The following GBE1 variants were observed in gnomAD, a reference collection of about 807,000 sequenced individuals.
The protein encoded by GBE1 is 1,4-alpha-glucan branching enzyme 1.
A neutral mutation model predicts 88.8 loss-of-function variants in GBE1; 70 were observed. The observed-to-expected ratio is 0.79, with a 90% CI of 0.65 to 0.96. The LOEUF (loss-of-function observed/expected upper bound fraction) is 0.96, where lower values mean the gene tolerates loss of function less well. Ranked by LOEUF, GBE1 falls within the 40% of genes least tolerant of loss-of-function variation. The pLI, the probability that GBE1 is intolerant of heterozygous loss-of-function variation, is 0.00. For missense variants in GBE1, 872 were observed against 871.0 expected (o/e 1.00, Z -0.01); for synonymous variants, 284 against 300.1 (o/e 0.95, Z 0.56).
chr3:81,597,443 A>C (rs1703971615), intron 7 of GBE1, among the ~76,000 whole-genome samples: 1 of 145,724 alleles, frequency 6.9e-6, no homozygotes, highest in African/African-American at 2.5e-5. Context: ...ATATATCTCA[A>C]AAATATATAT....
chr3:81,637,273 T>C (rs371125477), intron 7 of GBE1, among the ~76,000 whole-genome samples: 8 of 152,270 alleles, frequency 5.3e-5, no homozygotes, highest in African/African-American at 1.9e-4. Context: ...CATTGTGACA[T>C]AGCATTAGGC....
chr3:81,581,844 C>T (rs1488735693), intron 10 of GBE1, among the ~76,000 whole-genome samples: 2 of 152,092 alleles, frequency 1.3e-5, no homozygotes, highest in African/African-American at 2.4e-5. Context: ...GTCCCTCTAA[C>T]ACTATACTTT....
chr3:81,570,112 C>T (rs948902608), intron 12 of GBE1, among the ~76,000 whole-genome samples: 1 of 152,034 alleles, frequency 6.6e-6, no homozygotes, highest in African/African-American at 2.4e-5. Context: ...GACTGGCCTG[C>T]TTACTTATTT....
At chr3:81,664,743 G>A (rs760788787) in intron 3 of GBE1, among the ~76,000 whole-genome samples, 1 of 152,128 alleles carries the variant, frequency 6.6e-6, no homozygotes, top group Non-Finnish European at 1.5e-5. Context: ...GTAATTACCA[G>A]TGCAAAACAT....
intron 14 of GBE1, among the ~76,000 whole-genome samples, chr3:81,526,005 G>C (rs1463099508): frequency 1.3e-5 from 2 of 151,902 alleles, no homozygotes; most frequent in Admixed American, 1.3e-4. Context: ...TTGATTTTTT[G>C]AAGGGTTTTT....
chr3:81,495,822 C>A (rs965795130), intron 15 of GBE1, among the ~76,000 whole-genome samples: 1 of 152,098 alleles, frequency 6.6e-6, no homozygotes, highest in Non-Finnish European at 1.5e-5. Context: ...TATGCCAAAT[C>A]CTGTATTTAA....
chr3:81,493,422 A>G (rs1702462137), intron 15 of GBE1, among the ~76,000 whole-genome samples: 1 of 152,076 alleles, frequency 6.6e-6, no homozygotes, highest in Non-Finnish European at 1.5e-5. Context: ...TCATAACCTC[A>G]TTATTTCATT....
At chr3:81,549,440 T>C (rs550700302) in intron 12 of GBE1, among the ~76,000 whole-genome samples, 5 of 151,776 alleles carry the variant, frequency 3.3e-5, no homozygotes, top group African/African-American at 9.6e-5. Context: ...TTGACCAGAA[T>C]GGTGTGCTTT....
intron 1 of GBE1, among the ~76,000 whole-genome samples, chr3:81,716,656 G>A (rs1319955388): frequency 3.9e-5 from 6 of 152,008 alleles, no homozygotes; most frequent in Non-Finnish European, 7.4e-5. Context: ...ATACTATCAC[G>A]TTTAATGACA....
At chr3:81,522,541 G>GCC (rs372212424) in intron 14 of GBE1, among the ~76,000 whole-genome samples, 1 of 150,138 alleles carries the variant, frequency 6.7e-6, no homozygotes, top group Admixed American at 6.7e-5. Flanking sequence ...CTCCCTTCCT[G>GCC]CCCCCCCCAA....
chr3:81,729,510 T>C (rs2107202082), intron 1 of GBE1, among the ~76,000 whole-genome samples: 2 of 152,344 alleles, frequency 1.3e-5, no homozygotes, highest in East Asian at 1.9e-4. Flanking sequence ...CATTGACTTA[T>C]GAGCTAGTAA....
At chr3:81,600,458 C>CATCT (rs1704016862) in intron 7 of GBE1, among the ~76,000 whole-genome samples, 1 of 152,064 alleles carries the variant, frequency 6.6e-6, no homozygotes, top group African/African-American at 2.4e-5. Flanking sequence ...GAGATACATA[C>CATCT]ATCTAAACAG....
intron 12 of GBE1, among the ~76,000 whole-genome samples, chr3:81,544,721 G>A (rs1306971612): frequency 6.6e-6 from 1 of 152,062 alleles, no homozygotes; most frequent in Non-Finnish European, 1.5e-5. Flanking sequence ...AAACCTCTAA[G>A]AGCAAAATTC....
At chr3:81,576,281 T>C (rs2106931233) in intron 12 of GBE1, among the ~76,000 whole-genome samples, 1 of 152,042 alleles carries the variant, frequency 6.6e-6, no homozygotes, top group South Asian at 2.1e-4. Context: ...TAGAAAAATA[T>C]TTTATCCTAA....
chr3:81,613,153 T>C (rs1314290946), intron 7 of GBE1: 1 of 297,116 alleles, frequency 3.4e-6, no homozygotes, highest in Admixed American at 4.8e-5. Flanking sequence ...GCAGTCTTTT[T>C]TTTTTTTTTT....
At chr3:81,607,418 G>A (rs140998256) in intron 7 of GBE1, among the ~76,000 whole-genome samples, 5,457 of 151,810 alleles carry the variant, frequency 0.036, 327 homozygotes, top group African/African-American at 0.12. Context: ...GCTTGGTGGC[G>A]CACACCTGTA....
intron 7 of GBE1, among the ~76,000 whole-genome samples, chr3:81,627,056 C>A (rs1704427530): frequency 6.6e-6 from 1 of 152,082 alleles, no homozygotes; most frequent in African/African-American, 2.4e-5. Flanking sequence ...AACCTGGATG[C>A]CATTGTTATT....
At chr3:81,667,896 T>A (rs1258186863) in intron 3 of GBE1, among the ~76,000 whole-genome samples, 1 of 152,148 alleles carries the variant, frequency 6.6e-6, no homozygotes, top group Non-Finnish European at 1.5e-5. Context: ...AGGGAAATCA[T>A]TCTACTCTAA....
intron 3 of GBE1, chr3:81,654,818 T>C (rs974658802): frequency 6.6e-6 from 1 of 152,254 alleles, no homozygotes; most frequent in African/African-American, 2.4e-5. Flanking sequence ...TATTGAGTTA[T>C]AATTAACAAA....
Sources: allele counts gnomAD v4.1 joint callset (sites outside exome capture counted in the v4.1 genomes callset), GRCh38; gene constraint gnomAD v4.1.1; transcripts MANE v1.5; gene names NCBI Gene and HGNC (gene_info 2026-07-23, HGNC 2026-07-21).